Variants in ATP2C2 observed in about 807,000 individuals in gnomAD.
ATP2C2 encodes the protein calcium-transporting ATPase type 2C member 2.
A neutral mutation model predicts 110.8 loss-of-function variants in ATP2C2; 171 were observed. The observed-to-expected ratio is 1.54, with a 90% CI of 1.36 to 1.75. ATP2C2 has a LOEUF of 1.75. Among genes scored for constraint, ATP2C2 ranks in the 40% most tolerant of loss-of-function variants. ATP2C2 has a pLI of 0.00. For missense variants in ATP2C2, 1,963 were observed against 1,235.0 expected, an observed-to-expected ratio of 1.59 and a Z score of -8.84; for synonymous variants, 804 against 508.4, an observed-to-expected ratio of 1.58 and a Z score of -7.82.
intron 1 of ATP2C2, among the ~76,000 whole-genome samples, chr16:84,387,527 G>A (rs915121877): frequency 6.6e-6 from 1 of 151,984 alleles, no homozygotes; most frequent in Non-Finnish European, 1.5e-5. Context: ...AAACAAGAAA[G>A]ATCAAACTGG....
intron 26 of ATP2C2, chr16:84,462,885 C>G (rs921484586): frequency 1.3e-5 from 2 of 153,134 alleles, no homozygotes; most frequent in African/African-American, 4.8e-5. Context: ...TGGGATTATG[C>G]ATCAGACCTG....
At chr16:84,396,505 G>A (rs1256916310) in intron 1 of ATP2C2, among the ~76,000 whole-genome samples, 10 of 143,208 alleles carry the variant, frequency 7.0e-5, no homozygotes, top group Admixed American at 2.2e-4. Context: ...AGCCGAGGTC[G>A]CACCACTGCA....
intron 11 of ATP2C2, among the ~76,000 whole-genome samples, chr16:84,435,209 C>T (rs1409195948): frequency 6.6e-6 from 1 of 152,220 alleles, no homozygotes; most frequent in East Asian, 1.9e-4. Context: ...CATTTCAACT[C>T]CTCTGAAATC....
intron 3 of ATP2C2, among the ~76,000 whole-genome samples, chr16:84,406,434 C>T (rs1369837468): frequency 6.6e-6 from 1 of 152,174 alleles, no homozygotes; most frequent in African/African-American, 2.4e-5. Flanking sequence ...CTTCTTCATT[C>T]TCTGGCCCCT....
At chr16:84,423,334 G>C (rs1331989890) in intron 10 of ATP2C2, 71 bp downstream of exon 10, 10 of 1,432,406 alleles carry the variant, frequency 7.0e-6, no homozygotes, top group Non-Finnish European at 9.8e-6. Flanking sequence ...GGGTTGCCAT[G>C]GCCGTTTCTC....
intron 1 of ATP2C2, among the ~76,000 whole-genome samples, chr16:84,383,186 C>T (rs1216145611): frequency 6.6e-6 from 1 of 152,230 alleles, no homozygotes; most frequent in Non-Finnish European, 1.5e-5. Context: ...CACTAGGAAC[C>T]AGCCTCACTG....
At chr16:84,376,576 G>A (rs1910263529) in intron 1 of ATP2C2, among the ~76,000 whole-genome samples, 1 of 150,710 alleles carries the variant, frequency 6.6e-6, no homozygotes, top group South Asian at 2.1e-4. Context: ...ATTGGTATTA[G>A]TGTATTTTAT....
intron 17 of ATP2C2, among the ~76,000 whole-genome samples, chr16:84,449,057 G>C (rs576980578): frequency 6.6e-5 from 10 of 152,280 alleles, no homozygotes; most frequent in African/African-American, 2.2e-4. Flanking sequence ...TTTTCCCTTA[G>C]CCATTTTCAA....
chr16:84,389,566 G>A (rs938262305), intron 1 of ATP2C2, among the ~76,000 whole-genome samples: 8 of 152,112 alleles, frequency 5.3e-5, no homozygotes, highest in Admixed American at 2.0e-4. Context: ...CTGTATTTTC[G>A]TTTCTTAAAC....
intron 1 of ATP2C2, among the ~76,000 whole-genome samples, chr16:84,396,281 C>A (rs758280802): frequency 6.6e-6 from 1 of 152,158 alleles, no homozygotes; most frequent in South Asian, 2.1e-4. Flanking sequence ...TGCAGTGGCT[C>A]ACGCCTGTAA....
In ATP2C2 at chr16:84,459,777, C is replaced by G. The variant is rs891857389; in HGVS notation, c.2333+391C>G. On this transcript the variant is annotated intron_variant, in intron 23 of 26. Transcript: ENST00000262429. The stretch of plus-strand genomic sequence containing the variant: ...AGAGAGGAAGATACACACAGACACA[C>G]TTTTCCTTATGGATCTGATTGTGAT... 5.3e-6 allele frequency: 3 copies of G among 570,982 alleles called. No homozygotes were observed. In the Admixed American group the frequency reaches 9.1e-5, roughly 17 times the overall value. The allele number at this position is 570,982 out of a possible 1,614,324, so 35.4% of individuals were successfully genotyped here. A position where few individuals can be genotyped will look rare whatever the true frequency, so the allele number is the denominator to read the frequency against.
intron 11 of ATP2C2, among the ~76,000 whole-genome samples, chr16:84,434,050 C>T (rs1004863922): frequency 3.3e-5 from 5 of 152,180 alleles, no homozygotes; most frequent in Non-Finnish European, 4.4e-5. Flanking sequence ...GAGATGGCAG[C>T]TTAGCCAGCG....
At chr16:84,396,549 C>CAAAAAA (rs57290176) in intron 1 of ATP2C2, among the ~76,000 whole-genome samples, 2 of 74,804 alleles carry the variant, frequency 2.7e-5, no homozygotes, top group Admixed American at 1.8e-4. Context: ...GGCTCTATCT[C>CAAAAAA]AAAAAAAAAA....
At chr16:84,393,480 G>C (rs1904782970) in intron 1 of ATP2C2, among the ~76,000 whole-genome samples, 4 of 152,150 alleles carry the variant, frequency 2.6e-5, no homozygotes, top group Non-Finnish European at 5.9e-5. Flanking sequence ...CGGTGGCCTT[G>C]AAACACCGAA....
At chr16:84,460,438 C>T (rs376216281) in intron 23 of ATP2C2, 131 of 650,966 alleles carry the variant, frequency 2.0e-4, no homozygotes, top group African/African-American at 1.7e-3. Context: ...TCACTGTCTG[C>T]GGGACAGATG....
intron 10 of ATP2C2, among the ~76,000 whole-genome samples, 177 bp from the exon 11 acceptor site, chr16:84,425,558 G>T (rs926242232): frequency 1.3e-5 from 2 of 152,136 alleles, no homozygotes; most frequent in Non-Finnish European, 2.9e-5. Flanking sequence ...GGTTTTTGTA[G>T]GTATAAACGT....
rs559396722 is a variant in ATP2C2, at chr16:84,461,827, G to C, written c.2580+15G>C. 1 of 1,612,164 alleles carries C rather than the reference G, an allele frequency of 6.2e-7. No individual in the cohort carries two copies. The highest frequency in any genetic ancestry group is 1.1e-5 in the South Asian group (1 of 91,042). ...GCCGCTCTCAGGTGAGACCCGGGCT[G>C]ACCCTCCTCGCTGCAGAGCTGCTGT... On this transcript the variant is annotated intron_variant, in intron 25 of 26. Transcript: ENST00000262429.
rs1909182452 is a variant in ATP2C2 at position 84,440,838 on chromosome 16, C to G, written c.1210-19C>G. 1 of 1,596,534 alleles carries G rather than the reference C, an allele frequency of 6.3e-7. No individual in the cohort carries two copies. The highest frequency in any genetic ancestry group is 1.3e-5 in the African/African-American group (1 of 74,662). The stretch of plus-strand genomic sequence containing the variant: ...TTTTTGACTCTTGGCGAAACCCTTT[C>G]TTCTGCCTCGCCCTGCAGGTCAGCG... On this transcript the variant is annotated intron_variant, in intron 13 of 26. Transcript: ENST00000262429.
At chr16:84,463,392 T>G (rs1289228994) in intron 26 of ATP2C2, among the ~76,000 whole-genome samples, 1 of 152,134 alleles carries the variant, frequency 6.6e-6, no homozygotes. Context: ...CACCCTGTGC[T>G]CTGGAGCTGC....
Sources: gnomAD v4.1 joint callset for allele counts (sites outside exome capture counted in the v4.1 genomes callset) on GRCh38, gnomAD v4.1.1 for gene constraint, MANE v1.5 for transcripts, NCBI Gene and HGNC (gene_info 2026-07-23, HGNC 2026-07-21) for gene names.